EVC2: variants seen among roughly 807,000 people sequenced by gnomAD.
EVC2 encodes the protein limbin.
Under a neutral mutation model 149.3 loss-of-function variants are expected in EVC2, and 148 were observed. That is an observed-to-expected ratio of 0.99 (90% CI 0.87 to 1.14). EVC2 has a LOEUF of 1.14. Among genes scored for constraint, EVC2 ranks in the 50% most tolerant of loss-of-function variants. EVC2 has a pLI of 0.00. For missense variants in EVC2, 1,854 were observed against 1,627.3 expected, an observed-to-expected ratio of 1.14 and a Z score of -2.40; for synonymous variants, 776 against 649.9, an observed-to-expected ratio of 1.19 and a Z score of -2.95.
At chr4:5,635,566 C>A (rs1716839917) in intron 10 of EVC2, among the ~76,000 whole-genome samples, 1 of 152,220 alleles carries the variant, frequency 6.6e-6, no homozygotes. Context: ...CTGGCTGCAG[C>A]AGCTGCTGTG....
chr4:5,694,475 C>T lies in EVC2; in HGVS notation c.310G>A (p.Asp104Asn). 2.5e-6 allele frequency: 4 copies of T among 1,614,176 alleles called. No individual in the cohort carries two copies. Among genetic ancestry groups the T allele is most frequent in the Non-Finnish European group, 3.4e-6 (4 of 1,180,036 alleles). Residue 104 changes from aspartate (D) to asparagine (N), a missense_variant, in exon 3 of 22, where the codon GAC becomes AAC. Coordinates refer to ENST00000344408, the MANE Select transcript of EVC2 (RefSeq NM_147127.5). ...AVEAPLGMKL[D>N]KKMEVFIPLS... ...GGGATGAAGACTTCCATTTTCTTGT[C>T]CAATTTCATTCCAAGTGGTGCTTCC...
chr4:5,595,033 A>G (rs1045839001), intron 16 of EVC2, among the ~76,000 whole-genome samples: 39 of 152,320 alleles, frequency 2.6e-4, no homozygotes, highest in Admixed American at 7.8e-4. Context: ...GAATAAAAAG[A>G]AACGAACAAA....
intron 21 of EVC2, chr4:5,543,263 C>G: frequency 8.2e-7 from 1 of 1,212,394 alleles, no homozygotes; most frequent in Non-Finnish European, 1.1e-6. Context: ...CATCCCTACC[C>G]ACATTGTACC....
downstream of EVC2, among the ~76,000 whole-genome samples, chr4:5,560,986 A>T (rs1393843813): frequency 2.0e-5 from 3 of 152,182 alleles, no homozygotes; most frequent in Non-Finnish European, 4.4e-5. The surrounding 1 kb of genome is among the most constrained non-coding windows in gnomAD (Gnocchi z 4.1). Context: ...CTGTCTATTA[A>T]CATAAGGAGT....
Position 5,543,290 on chromosome 4 carries a change from A to T in EVC2, c.3420-78T>A. On this transcript the variant is annotated intron_variant and NMD_transcript_variant, in intron 21 of 22. Transcript: ENST00000475313. ...CATTGTACCATCACCATCCACCCCAAGCCGGCAGGAGCACTCCATAAACAC... is the reference window on the plus strand; with the variant it reads ...CATTGTACCATCACCATCCACCCCATGCCGGCAGGAGCACTCCATAAACAC... The T allele has an allele frequency of 3.4e-6, 3 of 875,934 alleles. No homozygotes were observed. The Admixed American group carries it at 7.4e-5, about 21-fold the overall frequency. 54.3% of individuals were successfully genotyped at this position (875,934 alleles called of 1,614,324 possible). A position where few individuals can be genotyped will look rare whatever the true frequency, so the allele number is the denominator to read the frequency against.
chr4:5,662,339 CT>C (rs550087582), intron 9 of EVC2, among the ~76,000 whole-genome samples: 1 of 151,544 alleles, frequency 6.6e-6, no homozygotes, highest in Non-Finnish European at 1.5e-5. Context: ...AACAAACCCC[CT>C]GTGACACGAG....
intron 9 of EVC2, among the ~76,000 whole-genome samples, chr4:5,643,161 G>C (rs1306794368): frequency 6.6e-6 from 1 of 152,118 alleles, no homozygotes; most frequent in African/African-American, 2.4e-5. Flanking sequence ...ACTATTTTCA[G>C]TTAAAGACAC....
chr4:5,603,412 T>C (rs2108813376), intron 16 of EVC2, among the ~76,000 whole-genome samples: 1 of 152,328 alleles, frequency 6.6e-6, no homozygotes, highest in East Asian at 1.9e-4. Context: ...CCTTCCTAAA[T>C]GGATTCCCTT....
At chr4:5,580,323 A>G (rs1223968786) in intron 17 of EVC2, among the ~76,000 whole-genome samples, 2 of 152,270 alleles carry the variant, frequency 1.3e-5, no homozygotes, top group African/African-American at 4.8e-5. Flanking sequence ...ATTTAAGAAT[A>G]CGGCATCATC....
At chr4:5,629,959 T>C (rs954829604) in intron 11 of EVC2, among the ~76,000 whole-genome samples, 4 of 152,252 alleles carry the variant, frequency 2.6e-5, no homozygotes, top group African/African-American at 9.6e-5. Flanking sequence ...CATAATATCA[T>C]TCACAATAGC....
intron 17 of EVC2, among the ~76,000 whole-genome samples, chr4:5,580,006 C>T (rs1232377416): frequency 6.6e-6 from 1 of 152,184 alleles, no homozygotes; most frequent in Non-Finnish European, 1.5e-5. Flanking sequence ...TGTCACTTGG[C>T]CTTCTGATCC....
At chr4:5,568,006 G>T (rs889459729) in intron 20 of EVC2, among the ~76,000 whole-genome samples, 1 of 152,136 alleles carries the variant, frequency 6.6e-6, no homozygotes, top group Admixed American at 6.5e-5. Context: ...TATCCACAGC[G>T]TGCTCACTCC....
In EVC2 at chr4:5,662,977, T is replaced by C. The variant is rs1718999586; in HGVS notation, c.1145+130A>G. The C allele has an allele frequency of 4.0e-6, 5 of 1,264,966 alleles. No individual in the cohort carries two copies. The Admixed American group carries it at 7.2e-5, about 18-fold the overall frequency. 78.4% of individuals were successfully genotyped at this position (1,264,966 alleles called of 1,614,324 possible). On this transcript the variant is annotated intron_variant, in intron 9 of 21. Coordinates refer to ENST00000344408, the MANE Select transcript of EVC2 (RefSeq NM_147127.5). ...CCAAACATTCAGTGCATAGCAGTTG[T>C]TGAATTATGACTACAGAGTGACAAA...
At position 5,696,488 on chromosome 4, in the gene EVC2, C is replaced by G. The variant is rs1311468727; in HGVS notation, c.283+1105G>C. ...ATAGGTTCAGGGACAGGCCGGGGACCCACGCTGAGCCCAGGGGCCTGCACT... is the reference window on the plus strand; with the variant it reads ...ATAGGTTCAGGGACAGGCCGGGGACGCACGCTGAGCCCAGGGGCCTGCACT... On this transcript the variant is annotated intron_variant, in intron 2 of 21. Coordinates refer to ENST00000344408, the MANE Select transcript of EVC2 (RefSeq NM_147127.5). The surrounding 1 kb of genome is among the most constrained non-coding windows in gnomAD (Gnocchi z 4.1). Among the ~76,000 whole-genome samples the G allele has an allele frequency of 1.3e-5, 2 of 152,176 alleles. No individual in the cohort carries two copies. The highest frequency in any genetic ancestry group is 4.8e-5 in the African/African-American group (2 of 41,442).
At position 5,584,932 on chromosome 4, in the gene EVC2, T is replaced by C; in HGVS notation, c.2830-82A>G. 5 of 1,464,046 alleles carry C rather than the reference T, an allele frequency of 3.4e-6. 1 individual carries two copies. In the South Asian group the frequency reaches 5.8e-5, roughly 17 times the overall value. The allele number at this position is 1,464,046 out of a possible 1,614,324, so 90.7% of individuals were successfully genotyped here. ...AGGAGAACAAACAGCCTTTCAGAGT[T>C]CACAGACCTGGGATTCTGAGGACCA... On this transcript the variant is annotated intron_variant, in intron 16 of 21. Transcript: ENST00000344408.
At position 5,622,546 on chromosome 4, in the gene EVC2, A is replaced by T. The variant is rs772046114; in HGVS notation, c.2492T>A (p.Leu831Gln). The T allele has an allele frequency of 6.2e-7, 1 of 1,613,784 alleles. No individual in the cohort carries two copies. Among genetic ancestry groups the T allele is most frequent in the South Asian group, 1.1e-5 (1 of 90,956 alleles). Reference protein sequence around the residue: ...EQAELRRWEHLIFMKLCSSVF... With the variant: ...EQAELRRWEHQIFMKLCSSVF... ...CCGCAAAGGCACTCACATGAAGATC[A>T]GGTGCTCCCAGCGTCGCAGCTCTGC... is the stretch of plus-strand genomic sequence containing the variant. Residue 831 changes from leucine (L) to glutamine (Q), a missense_variant, in exon 14 of 22, where the codon CTG becomes CAG. Physicochemically the swap from Leu to Gln is moderately radical, Grantham distance 113. Transcript: ENST00000344408. This position sits in a 1 kb window ranked among gnomAD's most constrained non-coding sequence, Gnocchi z 5.8.
intron 9 of EVC2, among the ~76,000 whole-genome samples, chr4:5,659,200 G>A (rs902360307): frequency 4.6e-5 from 7 of 152,050 alleles, no homozygotes; most frequent in African/African-American, 7.2e-5. Context: ...GGCATATTTC[G>A]AATCCCAGCT....
At chr4:5,585,977 T>C (rs1047514117) in intron 16 of EVC2, among the ~76,000 whole-genome samples, 19 of 152,194 alleles carry the variant, frequency 1.2e-4, no homozygotes, top group African/African-American at 4.6e-4. Context: ...TTTTCCTGCC[T>C]CAGCCTTCTG....
the EVC2 span, among the ~76,000 whole-genome samples, chr4:5,536,427 A>T: frequency 6.6e-6 from 1 of 152,230 alleles, no homozygotes; most frequent in Non-Finnish European, 1.5e-5. Flanking sequence ...CATCACAAGA[A>T]ACATAAAAAT....
Sources: gnomAD v4.1 joint callset for allele counts (sites outside exome capture counted in the v4.1 genomes callset) on GRCh38, gnomAD v4.1.1 for gene constraint, Gnocchi (gnomAD v3.1) non-coding constraint, MANE v1.5 for transcripts, NCBI Gene and HGNC (gene_info 2026-07-23, HGNC 2026-07-21) for gene names.